The following GRK2 variants were observed in gnomAD, a reference collection of about 807,000 sequenced individuals.
GRK2 encodes G protein-coupled receptor kinase 2.
Under a neutral mutation model 97.8 loss-of-function variants are expected in GRK2, and 23 were observed. The observed-to-expected ratio is 0.24, with a 90% CI of 0.17 to 0.33. The LOEUF is 0.33. GRK2 is among the 10% of genes least tolerant of loss of function. GRK2 has a pLI of 1.00. For missense variants in GRK2, 633 were observed against 956.9 expected, an observed-to-expected ratio of 0.66 and a Z score of 4.47; for synonymous variants, 425 against 381.7, an observed-to-expected ratio of 1.11 and a Z score of -1.32.
chr11:67,283,253 T>C, intron 15 of GRK2, 25 bp downstream of exon 15: 3 of 1,590,858 alleles, frequency 1.9e-6, no homozygotes, highest in Non-Finnish European at 2.6e-6. Flanking sequence ...GCCTTGGGCA[T>C]GCTGCTGGCT....
At chr11:67,274,634 C>T (rs1435025813) in intron 1 of GRK2, among the ~76,000 whole-genome samples, 1 of 151,498 alleles carries the variant, frequency 6.6e-6, no homozygotes, top group African/African-American at 2.4e-5. Flanking sequence ...AGTGCACAGC[C>T]TGTGCCCTGA....
intron 1 of GRK2, among the ~76,000 whole-genome samples, chr11:67,275,782 G>A (rs1222396154): frequency 6.6e-6 from 1 of 152,210 alleles, no homozygotes; most frequent in Non-Finnish European, 1.5e-5. Flanking sequence ...TTGCACTCCA[G>A]GAACCCAGTG....
At chr11:67,280,890 C>G in intron 7 of GRK2, 107 bp downstream of exon 7, 1 of 1,376,660 alleles carries the variant, frequency 7.3e-7, no homozygotes, top group Non-Finnish European at 1.0e-6. Context: ...GATGTCTGTC[C>G]TTTAGCCCCC....
At position 67,277,260 on chromosome 11, in the gene GRK2, CCT is replaced by C. The variant is rs761491881; in HGVS notation, c.114-11_114-10del. On this transcript the variant is annotated splice_polypyrimidine_tract_variant and intron_variant, in intron 1 of 20. Transcript: ENST00000308595. The stretch of plus-strand genomic sequence containing the variant: ...TGGGGGCTTCTGCTTACTGCGCCCC[CCT>C]GACCCACAGCATCCGCAGTGTCATG... 3.8e-5 allele frequency: 62 copies of C among 1,613,316 alleles called. No homozygotes were observed. The highest frequency in any genetic ancestry group is 5.0e-5 in the Non-Finnish European group (59 of 1,179,914).
chr11:67,282,655 G>A lies in GRK2; in HGVS notation c.1161-97G>A. 6.4e-7 allele frequency: 1 copy of A among 1,559,270 alleles called. No homozygotes were observed. Among genetic ancestry groups the A allele is most frequent in the Non-Finnish European group, 8.8e-7 (1 of 1,139,108 alleles). ...CATAGCTGCCTTGGTGGTAGGGTTG[G>A]CACCGTCCCTGACTTTGGCCACAGC... is the stretch of plus-strand genomic sequence containing the variant. On this transcript the variant is annotated intron_variant, in intron 13 of 20. Coordinates refer to ENST00000308595, the MANE Select transcript of GRK2 (RefSeq NM_001619.5). This position sits in a 1 kb window ranked among gnomAD's most constrained non-coding sequence, Gnocchi z 6.9.
intron 14 of GRK2, 76 bp from the exon 15 acceptor site, chr11:67,283,052 C>G: frequency 6.9e-7 from 1 of 1,453,388 alleles, no homozygotes; most frequent in Non-Finnish European, 9.6e-7. Context: ...GGGGCCTGGA[C>G]CCCTCTCTCC....
Position 67,276,124 on chromosome 11 carries a change from C to T in GRK2, c.114-1148C>T, listed in dbSNP as rs1202334296. Among the ~76,000 whole-genome samples, 4 of 152,204 alleles carry T rather than the reference C, an allele frequency of 2.6e-5. No individual in the cohort carries two copies. Among genetic ancestry groups the T allele is most frequent in the African/African-American group, 4.8e-5 (2 of 41,434 alleles). ...ATCTCCACCAGCTGCAGTCATTTCA[C>T]GGGAGGCCTGCTGGTGGCCCCATAG... On this transcript the variant is annotated intron_variant, in intron 1 of 20. Coordinates refer to ENST00000308595, the MANE Select transcript of GRK2 (RefSeq NM_001619.5). The surrounding 1 kb of genome is among the most constrained non-coding windows in gnomAD (Gnocchi z 4.2).
At position 67,266,798 on chromosome 11, in the gene GRK2, G is replaced by T. The variant is rs1457842232; in HGVS notation, c.99G>T (p.Leu33=). ...TPAARASKKI[L]LPEPSIRSVM... Reference sequence around the variant, plus strand: ...CCGCGCGCGCCAGCAAGAAGATCCTGCTGCCCGAGCCCAGGTGAGGAGAAG... The same window carrying T: ...CCGCGCGCGCCAGCAAGAAGATCCTTCTGCCCGAGCCCAGGTGAGGAGAAG... Residue 33 remains leucine (L), a synonymous_variant, in exon 1 of 21, where the codon CTG becomes CTT. Coordinates refer to ENST00000308595, the MANE Select transcript of GRK2 (RefSeq NM_001619.5). 7.6e-7 allele frequency: 1 copy of T among 1,320,202 alleles called. No homozygotes were observed. Among genetic ancestry groups the T allele is most frequent in the Non-Finnish European group, 9.8e-7 (1 of 1,022,608 alleles). The allele number at this position is 1,320,202 out of a possible 1,614,324, so 81.8% of individuals were successfully genotyped here.
In GRK2 at chr11:67,269,876, G is replaced by A. The variant is rs1402694333; in HGVS notation, c.113+3064G>A. 6.6e-6 allele frequency among the ~76,000 whole-genome samples: 1 copy of A among 152,212 alleles called. No homozygotes were observed. Among genetic ancestry groups the A allele is most frequent in the Admixed American group, 6.5e-5 (1 of 15,288 alleles). ...AAGGCTAGGGAATGGGAGTGGTTAGGCACAGTGCCACACTGAGTTGGCACA... is the reference window on the plus strand; with the variant it reads ...AAGGCTAGGGAATGGGAGTGGTTAGACACAGTGCCACACTGAGTTGGCACA... On this transcript the variant is annotated intron_variant, in intron 1 of 20. Transcript: ENST00000308595. The surrounding 1 kb of genome is among the most constrained non-coding windows in gnomAD (Gnocchi z 4.1).
At position 67,283,937 on chromosome 11, in the gene GRK2, A is replaced by T. The variant is rs1860211215; in HGVS notation, c.1479A>T (p.Thr493=). 1.9e-6 allele frequency: 3 copies of T among 1,610,386 alleles called. No individual in the cohort carries two copies. In the South Asian group the frequency reaches 3.3e-5, roughly 18 times the overall value. ...FDIGSFDEED[T]KGIKLLDSDQ... is the part of the protein sequence containing the mutation. ...TTGGCTCCTTCGATGAGGAGGACAC[A>T]AAAGGAATCAAGGTACTGGGCCTTG... The change falls in exon 17 of 21, where the codon ACA becomes ACT. Residue 493 remains threonine, a synonymous_variant. Coordinates refer to ENST00000308595, the MANE Select transcript of GRK2 (RefSeq NM_001619.5).
Position 67,286,266 on chromosome 11 carries a change from T to C in GRK2, c.*816T>C, listed in dbSNP as rs1003267594. The C allele has an allele frequency of 1.8e-5, 11 of 611,334 alleles. No individual in the cohort carries two copies. Among genetic ancestry groups the C allele is most frequent in the African/African-American group, 1.9e-5 (1 of 52,758 alleles). 37.9% of individuals were successfully genotyped at this position (611,334 alleles called of 1,614,324 possible). A position where few individuals can be genotyped will look rare whatever the true frequency, so the allele number is the denominator to read the frequency against. Reference sequence around the variant, plus strand: ...TGGGCGGGCAGCACAGCAAGGAGGCTGGCTGGGGCCTATCAGTGTGCCCCC... The same window carrying C: ...TGGGCGGGCAGCACAGCAAGGAGGCCGGCTGGGGCCTATCAGTGTGCCCCC... On this transcript the variant is annotated 3_prime_UTR_variant, in exon 21 of 21. Coordinates refer to ENST00000308595, the MANE Select transcript of GRK2 (RefSeq NM_001619.5).
chr11:67,283,089 C>G (rs1383381017), intron 14 of GRK2, 39 bp from the exon 15 acceptor site: 2 of 1,593,862 alleles, frequency 1.3e-6, no homozygotes, highest in Admixed American at 3.3e-5. Flanking sequence ...GTCAAGGGCT[C>G]TTCCTAAGCC....
chr11:67,284,051 C>T, intron 17 of GRK2, 102 bp downstream of exon 17: 1 of 1,418,936 alleles, frequency 7.0e-7, no homozygotes, highest in East Asian at 2.4e-5. Context: ...GCCAGCCCTG[C>T]CAGCTTGTAG....
chr11:67,271,236 A>G (rs1320196428), intron 1 of GRK2, among the ~76,000 whole-genome samples: 3 of 152,310 alleles, frequency 2.0e-5, no homozygotes, highest in South Asian at 4.1e-4. Flanking sequence ...GGATGGAGCT[A>G]TATTCACGTT....
In GRK2 at chr11:67,281,743, G is replaced by A. The variant is rs962248596; in HGVS notation, c.826+15G>A. ...CCTCATGAACGGTGAGTGCTGGCCG[G>A]GCCCTAGGGTGGGCCGGGCCCAGGC... On this transcript the variant is annotated intron_variant, in intron 10 of 20. Coordinates refer to ENST00000308595, the MANE Select transcript of GRK2 (RefSeq NM_001619.5). The surrounding 1 kb of genome is among the most constrained non-coding windows in gnomAD (Gnocchi z 5.7). 12 of 1,613,376 alleles carry A rather than the reference G, an allele frequency of 7.4e-6. No individual in the cohort carries two copies. The African/African-American group carries it at 1.3e-4, about 18-fold the overall frequency.
chr11:67,285,032 C>T (rs1326266791), intron 19 of GRK2, 43 bp from the exon 20 acceptor site: 2 of 1,611,864 alleles, frequency 1.2e-6, no homozygotes, highest in Non-Finnish European at 1.7e-6. Context: ...GGGTGGCTGG[C>T]CGGCCCGGCT....
chr11:67,273,816 C>T (rs1859963245), intron 1 of GRK2, among the ~76,000 whole-genome samples: 1 of 152,120 alleles, frequency 6.6e-6, no homozygotes, highest in South Asian at 2.1e-4. Context: ...GGTCCTGCTT[C>T]CTGCTGTTCC....
chr11:67,280,008 G>A, intron 6 of GRK2, 108 bp downstream of exon 6: 2 of 1,182,502 alleles, frequency 1.7e-6, no homozygotes, highest in Non-Finnish European at 2.5e-6. Context: ...CCCTGAGCAG[G>A]CAGGTGGCTG....
intron 1 of GRK2, among the ~76,000 whole-genome samples, chr11:67,274,426 C>CCCTACAGG (rs928005629): frequency 6.8e-6 from 1 of 147,074 alleles, no homozygotes; most frequent in Non-Finnish European, 1.5e-5. Flanking sequence ...GGTGGGTGAC[C>CCCTACAGG]CCTACAGGCT....
Sources: gnomAD v4.1 joint callset for allele counts (sites outside exome capture counted in the v4.1 genomes callset) on GRCh38, gnomAD v4.1.1 for gene constraint, Gnocchi (gnomAD v3.1) non-coding constraint, MANE v1.5 for transcripts, NCBI Gene and HGNC (gene_info 2026-07-23, HGNC 2026-07-21) for gene names.